TRIM37: variants seen among roughly 807,000 people sequenced by gnomAD.
The protein encoded by TRIM37 is tripartite motif containing 37.
TRIM37 carries 80 observed loss-of-function variants against 129.8 expected under a neutral mutation model. That is an observed-to-expected ratio of 0.62 (90% CI 0.51 to 0.74). The LOEUF (loss-of-function observed/expected upper bound fraction) is 0.74. Ranked by LOEUF, TRIM37 falls within the 30% of genes least tolerant of loss-of-function variation. The pLI is 0.00. For synonymous variants in TRIM37, 389 were observed against 387.1 expected, an observed-to-expected ratio of 1.00 and a Z score of -0.06; for missense variants, 1,054 against 1,176.5, an observed-to-expected ratio of 0.90 and a Z score of 1.52.
the TRIM37 span, among the ~76,000 whole-genome samples, chr17:58,969,191 C>A: frequency 6.6e-6 from 1 of 152,066 alleles, no homozygotes; most frequent in Admixed American, 6.6e-5. Flanking sequence ...CCTTCTCATA[C>A]CCTCCCTATC....
At chr17:58,987,091 G>C (rs2031890085) in intron 24 of TRIM37, among the ~76,000 whole-genome samples, 1 of 152,114 alleles carries the variant, frequency 6.6e-6, no homozygotes. Context: ...GTGCAAACAA[G>C]GGCCCTCACA....
At chr17:59,072,840 G>A (rs889462121) in intron 8 of TRIM37, among the ~76,000 whole-genome samples, 3 of 151,896 alleles carry the variant, frequency 2.0e-5, no homozygotes, top group Non-Finnish European at 1.5e-5. Flanking sequence ...TTGAGCTACT[G>A]CATCAACCAA....
the TRIM37 span, among the ~76,000 whole-genome samples, chr17:58,975,389 C>G: frequency 7.2e-5 from 11 of 152,174 alleles, no homozygotes. Context: ...TGGCAGCCAG[C>G]ACTGTGGAAG....
At chr17:59,105,185 G>A (rs2045885528) in intron 1 of TRIM37, among the ~76,000 whole-genome samples, 1 of 151,898 alleles carries the variant, frequency 6.6e-6, no homozygotes, top group South Asian at 2.1e-4. Flanking sequence ...TCCCCAAAAG[G>A]TATAAACTGA....
intron 13 of TRIM37, 33 bp from the exon 14 acceptor site, chr17:59,051,361 T>A (rs749698558): frequency 3.5e-6 from 5 of 1,422,824 alleles, no homozygotes; most frequent in Admixed American, 3.4e-5. Context: ...AAAAAAAAAA[T>A]TCAAATAGTA....
intron 2 of TRIM37, among the ~76,000 whole-genome samples, chr17:59,101,691 TATATACACACACAC>T (rs1264597117): frequency 2.3e-5 from 3 of 131,094 alleles, no homozygotes; most frequent in African/African-American, 5.7e-5. Flanking sequence ...TATATATATA[TATATACACACACAC>T]ACACACACAC....
Position 58,999,471 on chromosome 17 carries a change from A to C in TRIM37, c.2813-12T>G. 2 of 1,595,320 alleles carry C rather than the reference A, an allele frequency of 1.3e-6. No individual in the cohort carries two copies. Among genetic ancestry groups the C allele is most frequent in the Non-Finnish European group, 8.5e-7 (1 of 1,169,882 alleles). On this transcript the variant is annotated splice_polypyrimidine_tract_variant and intron_variant, in intron 23 of 23. Transcript: ENST00000262294. ...ACTGGAATGTGTATCTATGATTAAA[A>C]AATAAATAAAAAATTTAAAATTTAA... is the stretch of plus-strand genomic sequence containing the variant.
intron 22 of TRIM37, among the ~76,000 whole-genome samples, chr17:59,008,534 T>A (rs1196505850): frequency 6.6e-6 from 1 of 152,232 alleles, no homozygotes; most frequent in Non-Finnish European, 1.5e-5. Flanking sequence ...TTTTCTGTGC[T>A]GACCAGCCAT....
At chr17:58,986,516 T>TC in intron 24 of TRIM37, among the ~76,000 whole-genome samples, 1 of 149,426 alleles carries the variant, frequency 6.7e-6, no homozygotes, top group South Asian at 2.1e-4. Flanking sequence ...TTTTTTTTTT[T>TC]TTTTTTCTTT....
intron 17 of TRIM37, among the ~76,000 whole-genome samples, chr17:59,039,302 T>C (rs560613287): frequency 6.6e-6 from 1 of 152,210 alleles, no homozygotes; most frequent in South Asian, 2.1e-4. Flanking sequence ...GTGCCTGCTT[T>C]TAGTCTTTGC....
At chr17:58,971,272 T>A in the TRIM37 span, among the ~76,000 whole-genome samples, 1 of 152,158 alleles carries the variant, frequency 6.6e-6, no homozygotes, top group African/African-American at 2.4e-5. Context: ...TGAGGATTTA[T>A]AACAAACTTT....
chr17:59,089,413 C>T (rs543015264), intron 3 of TRIM37, among the ~76,000 whole-genome samples: 3 of 152,246 alleles, frequency 2.0e-5, no homozygotes, highest in African/African-American at 7.2e-5. Context: ...GAGGCCACAG[C>T]GGGTGGATCA....
At chr17:58,981,190 G>C, downstream of TRIM37, 1 of 599,438 alleles carries the variant, frequency 1.7e-6, no homozygotes. Flanking sequence ...TCAAAGTACA[G>C]TGTTTTCAAT....
At chr17:59,080,652 GTGGTGGTGGGCACC>G (rs2043177458) in intron 6 of TRIM37, among the ~76,000 whole-genome samples, 1 of 152,094 alleles carries the variant, frequency 6.6e-6, no homozygotes, top group African/African-American at 2.4e-5. Flanking sequence ...TTAGCTGGGC[GTGGTGGTGGGCACC>G]TGTAATCCCA....
Position 58,999,089 on chromosome 17 carries a change from T to C in TRIM37, c.*288A>G. 2 of 1,233,120 alleles carry C rather than the reference T, an allele frequency of 1.6e-6. No individual in the cohort carries two copies. Among genetic ancestry groups the C allele is most frequent in the Non-Finnish European group, 2.0e-6 (2 of 978,402 alleles). The allele number at this position is 1,233,120 out of a possible 1,614,324, so 76.4% of individuals were successfully genotyped here. A position where few individuals can be genotyped will look rare whatever the true frequency, so the allele number is the denominator to read the frequency against. ...GCAGTTAACCAGCCTTCTGCTGTAGTAGACAAACTGCCTTTTGTGAATGTA... is the reference window on the plus strand; with the variant it reads ...GCAGTTAACCAGCCTTCTGCTGTAGCAGACAAACTGCCTTTTGTGAATGTA... On this transcript the variant is annotated 3_prime_UTR_variant, in exon 24 of 24. Transcript: ENST00000262294.
chr17:59,070,696 T>G, intron 9 of TRIM37, 127 bp downstream of exon 9: 2 of 1,078,844 alleles, frequency 1.9e-6, no homozygotes, highest in Non-Finnish European at 2.6e-6. Context: ...GGGCAACAAG[T>G]GAGACCCTAT....
At chr17:59,029,247 G>C (rs1305842613) in intron 18 of TRIM37, among the ~76,000 whole-genome samples, 1 of 152,070 alleles carries the variant, frequency 6.6e-6, no homozygotes, top group Non-Finnish European at 1.5e-5. Flanking sequence ...GGGGAGCATA[G>C]TGACACCCTA....
chr17:59,017,395 G>C lies in TRIM37; in HGVS notation c.2287C>G (p.Pro763Ala), dbSNP rs773219689. Residue 763 changes from proline (P) to alanine (A), a missense_variant, in exon 20 of 24, where the codon CCA becomes GCA. Physicochemically the swap from Pro to Ala is conservative, Grantham distance 27. Around this residue, in one of 3 missense-constraint regions of TRIM37, gnomAD observed 287 missense variants for 274.3 expected, o/e 1.05. Coordinates refer to ENST00000262294, the MANE Select transcript of TRIM37 (RefSeq NM_015294.6). Reference protein sequence around the residue: ...STNKKSNSPKPARSSVAGSLS... With the variant: ...STNKKSNSPKAARSSVAGSLS... ...CTACCTGCTACACTGGATCGAGCTG[G>C]CTTGGGCGAATTACTCTTCTTATTT... 9.9e-6 allele frequency: 16 copies of C among 1,614,066 alleles called. No individual in the cohort carries two copies. The South Asian group carries it at 1.4e-4, about 14-fold the overall frequency.
At chr17:59,005,250 T>A (rs1310617835) in intron 22 of TRIM37, among the ~76,000 whole-genome samples, 1 of 152,186 alleles carries the variant, frequency 6.6e-6, no homozygotes, top group Non-Finnish European at 1.5e-5. Flanking sequence ...TTAAAAAAGT[T>A]ATTAAATACA....
Sources: gnomAD v4.1 joint callset for allele counts (sites outside exome capture counted in the v4.1 genomes callset) on GRCh38, gnomAD v4.1.1 for gene constraint, gnomAD v4.1.1 regional missense constraint, MANE v1.5 for transcripts, NCBI Gene and HGNC (gene_info 2026-07-23, HGNC 2026-07-21) for gene names.